The following ENAH variants were observed in gnomAD, a reference collection of about 807,000 sequenced individuals.
The protein encoded by ENAH is protein enabled homolog.
In ENAH, 23 loss-of-function variants were observed where a neutral mutation model predicts 78.7. The ratio of observed to expected loss-of-function variants is 0.29; its 90% CI spans 0.21 to 0.41. The LOEUF (loss-of-function observed/expected upper bound fraction) is 0.41. Ranked by LOEUF, ENAH falls within the 10% of genes least tolerant of loss-of-function variation. The pLI is 1.00. For missense variants in ENAH, 544 were observed against 691.0 expected (o/e 0.79, Z 2.39); for synonymous variants, 226 against 241.0 (o/e 0.94, Z 0.58).
At chr1:225,621,727 T>C (rs540354474) in intron 1 of ENAH, among the ~76,000 whole-genome samples, 10 of 152,346 alleles carry the variant, frequency 6.6e-5, no homozygotes, top group East Asian at 5.8e-4. Flanking sequence ...ACCTGCTACA[T>C]GGACCTCTAA....
intron 6 of ENAH, 102 bp from the exon 7 acceptor site, chr1:225,515,002 C>G: frequency 1.1e-6 from 1 of 940,776 alleles, no homozygotes; most frequent in Non-Finnish European, 1.7e-6. Flanking sequence ...TAAACTGACT[C>G]ATGTATTTAC....
At chr1:225,607,515 CA>C (rs534943449) in intron 1 of ENAH, among the ~76,000 whole-genome samples, 29,883 of 92,622 alleles carry the variant, frequency 0.32, 2,399 homozygotes, top group South Asian at 0.43. Context: ...GGGTGGGGGG[CA>C]AAAAAAAAAA....
At position 225,487,827 on chromosome 1, in the gene ENAH, T is replaced by C. The variant is rs901284618; in HGVS notation, c.*9948A>G. Reference sequence around the variant, plus strand: ...GAGATTCCAATTCCAGCATATATTATGAAAGGTTATGGACTGTGACTATCC... The same window carrying C: ...GAGATTCCAATTCCAGCATATATTACGAAAGGTTATGGACTGTGACTATCC... On this transcript the variant is annotated 3_prime_UTR_variant, in exon 14 of 14. Transcript: ENST00000366843. 6.6e-6 allele frequency: 1 copy of C among 152,212 alleles called. No individual in the cohort carries two copies. The highest frequency in any genetic ancestry group is 1.5e-5 in the Non-Finnish European group (1 of 68,040). 9.4% of individuals were successfully genotyped at this position (152,212 alleles called of 1,614,324 possible). A position where few individuals can be genotyped will look rare whatever the true frequency, so the allele number is the denominator to read the frequency against.
chr1:225,526,226 CTTACT>C (rs939398733), intron 4 of ENAH, among the ~76,000 whole-genome samples: 6 of 152,066 alleles, frequency 3.9e-5, no homozygotes, highest in African/African-American at 1.4e-4. Context: ...ATCTGATCTT[CTTACT>C]TTACTTTCTT....
chr1:225,572,166 T>C (rs77978415), intron 1 of ENAH, among the ~76,000 whole-genome samples: 4,389 of 152,178 alleles, frequency 0.029, 204 homozygotes, highest in African/African-American at 0.1. Context: ...AACTGAATTA[T>C]TGGACACCCA....
intron 6 of ENAH, among the ~76,000 whole-genome samples, chr1:225,516,108 C>T (rs574844287): frequency 7.8e-4 from 118 of 152,174 alleles, no homozygotes; most frequent in Non-Finnish European, 1.4e-3. Flanking sequence ...TATTTACTTA[C>T]AGAACCAGGT....
At chr1:225,633,149 TCTCCTGC>T (rs1042492953) in intron 1 of ENAH, among the ~76,000 whole-genome samples, 5 of 151,836 alleles carry the variant, frequency 3.3e-5, no homozygotes, top group African/African-American at 1.2e-4. Flanking sequence ...TTCACACCAT[TCTCCTGC>T]CTCAGCCTCC....
chr1:225,586,673 C>G (rs2096848529), intron 1 of ENAH, among the ~76,000 whole-genome samples: 1 of 152,060 alleles, frequency 6.6e-6, no homozygotes, highest in Non-Finnish European at 1.5e-5. Context: ...GGTTTAACAT[C>G]TGAAAATCAA....
At chr1:225,525,432 A>G (rs2096496127) in intron 4 of ENAH, among the ~76,000 whole-genome samples, 1 of 151,932 alleles carries the variant, frequency 6.6e-6, no homozygotes, top group African/African-American at 2.4e-5. Flanking sequence ...TTCACCCCAA[A>G]CTCTCCATTA....
intron 1 of ENAH, among the ~76,000 whole-genome samples, chr1:225,643,397 TA>T (rs751122871): frequency 1.6e-4 from 23 of 140,980 alleles, no homozygotes; most frequent in South Asian, 4.5e-4. Context: ...AAACAAAAAA[TA>T]AAAAAAAAAA....
chr1:225,607,421 C>A (rs756825687), intron 1 of ENAH, among the ~76,000 whole-genome samples: 6 of 149,266 alleles, frequency 4.0e-5, no homozygotes, highest in Non-Finnish European at 8.9e-5. Context: ...ACTTAGTAGG[C>A]TGAAGAAAAC....
chr1:225,618,912 G>C (rs1196994914), intron 1 of ENAH, among the ~76,000 whole-genome samples: 3 of 152,184 alleles, frequency 2.0e-5, no homozygotes, highest in Non-Finnish European at 4.4e-5. Context: ...AGTGGAGAGA[G>C]AGAAGGCCTA....
At chr1:225,522,364 C>T (rs565715465) in intron 4 of ENAH, among the ~76,000 whole-genome samples, 2 of 152,274 alleles carry the variant, frequency 1.3e-5, no homozygotes, top group South Asian at 4.1e-4. Context: ...CCTGGACATA[C>T]CATCACACTT....
At chr1:225,616,860 G>C (rs1296749311) in intron 1 of ENAH, among the ~76,000 whole-genome samples, 1 of 152,122 alleles carries the variant, frequency 6.6e-6, no homozygotes, top group Non-Finnish European at 1.5e-5. Context: ...AACACTTTGC[G>C]AGGCTGAGGC....
At chr1:225,507,342 C>T (rs2096340440) in intron 11 of ENAH, among the ~76,000 whole-genome samples, 1 of 151,770 alleles carries the variant, frequency 6.6e-6, no homozygotes, top group South Asian at 2.1e-4. Context: ...TATATATATA[C>T]ATAAATATAT....
In ENAH at chr1:225,555,062, G is replaced by T; in HGVS notation, c.193C>A (p.Pro65Thr). ...DHQVVINCAI[P>T]KGLKYNQATQ... is the part of the protein sequence containing the mutation. ...GCTTGATTGTACTTCAACCCTTTAG[G>T]AATGGCACAGTTTATCACGACCTAA... is the stretch of plus-strand genomic sequence containing the variant. Residue 65 changes from proline to threonine, a missense_variant, in exon 3 of 14, where the codon CCT (proline) becomes ACT (threonine). By Grantham distance (38) the Pro-to-Thr change is conservative. Around this residue, in one of 4 missense-constraint regions of ENAH, gnomAD observed 77 missense variants for 151.8 expected, o/e 0.51. Coordinates refer to ENST00000366843, the MANE Select transcript of ENAH (RefSeq NM_018212.6). 6.4e-7 allele frequency: 1 copy of T among 1,572,674 alleles called. No homozygotes were observed. Among genetic ancestry groups the T allele is most frequent in the Non-Finnish European group, 8.7e-7 (1 of 1,148,640 alleles).
intron 4 of ENAH, among the ~76,000 whole-genome samples, chr1:225,519,953 A>G (rs1279350960): frequency 6.6e-6 from 1 of 152,208 alleles, no homozygotes; most frequent in Non-Finnish European, 1.5e-5. Flanking sequence ...TGTACAAATA[A>G]TATTTCAGAA....
intron 1 of ENAH, among the ~76,000 whole-genome samples, chr1:225,649,397 T>G (rs1662555052): frequency 7.0e-6 from 1 of 142,646 alleles, no homozygotes; most frequent in Non-Finnish European, 1.5e-5. Context: ...CTCTTTCAGT[T>G]AAAAAAAAAA....
chr1:225,538,000 A>C (rs1428127776), intron 3 of ENAH, among the ~76,000 whole-genome samples: 1 of 152,166 alleles, frequency 6.6e-6, no homozygotes, highest in Admixed American at 6.5e-5. Context: ...ATTAGTCCCA[A>C]GGCAATTGAT....
Sources: gnomAD v4.1 joint callset for allele counts (sites outside exome capture counted in the v4.1 genomes callset) on GRCh38, gnomAD v4.1.1 for gene constraint, gnomAD v4.1.1 regional missense constraint, MANE v1.5 for transcripts, NCBI Gene and HGNC (gene_info 2026-07-23, HGNC 2026-07-21) for gene names.